Variants in MAML1 observed in about 807,000 individuals in gnomAD.
MAML1 encodes mastermind like transcriptional coactivator 1.
Under a neutral mutation model 77.1 loss-of-function variants are expected in MAML1, and 14 were observed. The ratio of observed to expected loss-of-function variants is 0.18; its 90% confidence interval spans 0.12 to 0.28. The LOEUF (loss-of-function observed/expected upper bound fraction) is 0.28, where lower values mean the gene tolerates loss of function less well. Ranked by LOEUF, MAML1 falls within the 10% of genes least tolerant of loss-of-function variation. MAML1 has a pLI of 1.00. For synonymous variants in MAML1, 516 were observed against 551.9 expected, an observed-to-expected ratio of 0.93 and a Z score of 0.91; for missense variants, 1,217 against 1,327.8, an observed-to-expected ratio of 0.92 and a Z score of 1.30.
chr5:179,766,972 A>G lies in MAML1; in HGVS notation c.1731+231A>G, dbSNP rs1345967789. Among the ~76,000 whole-genome samples, 1 of 152,160 alleles carries G rather than the reference A, an allele frequency of 6.6e-6. No individual in the cohort carries two copies. The highest frequency in any genetic ancestry group is 1.5e-5 in the Non-Finnish European group (1 of 68,046). The stretch of plus-strand genomic sequence containing the variant: ...CATAGCTTGATTATTAACTGCACGA[A>G]GGTTTCAGGAATCACCTGCATTTAG... On this transcript the variant is annotated intron_variant, in intron 2 of 4. Transcript: ENST00000292599. This position sits in a 1 kb window ranked among gnomAD's most constrained non-coding sequence, Gnocchi z 4.0.
At chr5:179,767,365 C>T (rs953179058) in intron 2 of MAML1, among the ~76,000 whole-genome samples, 3 of 151,906 alleles carry the variant, frequency 2.0e-5, no homozygotes, top group Admixed American at 6.6e-5. Context: ...AGCCCAGTGC[C>T]GGTAATATCA....
intron 1 of MAML1, among the ~76,000 whole-genome samples, chr5:179,753,654 A>ATTTTTTTTTTTTTTT (rs1209995171): frequency 2.3e-5 from 2 of 88,850 alleles, no homozygotes; most frequent in African/African-American, 7.3e-5. Context: ...TATTATTATT[A>ATTTTTTTTTTTTTTT]TTTTTTTTTT....
chr5:179,738,418 C>T (rs1442266070), intron 1 of MAML1, among the ~76,000 whole-genome samples: 1 of 152,148 alleles, frequency 6.6e-6, no homozygotes, highest in Non-Finnish European at 1.5e-5. Context: ...AGATACTGTA[C>T]TGTAATCATG....
intron 1 of MAML1, among the ~76,000 whole-genome samples, chr5:179,753,218 TGTGTGCGCGC>T (rs774993429): frequency 6.2e-5 from 4 of 64,108 alleles, no homozygotes; most frequent in East Asian, 4.2e-4. Flanking sequence ...TGTGTGTGTG[TGTGTGCGCGC>T]GCGCGCGCGC....
intron 1 of MAML1, among the ~76,000 whole-genome samples, chr5:179,759,912 G>A (rs1016602155): frequency 6.6e-6 from 1 of 152,200 alleles, no homozygotes; most frequent in Non-Finnish European, 1.5e-5. Context: ...GAAATATTAA[G>A]GAGGTAGACT....
chr5:179,753,544 G>A lies in MAML1; in HGVS notation c.316-11782G>A, dbSNP rs527599342. Among the ~76,000 whole-genome samples, 22 of 152,050 alleles carry A rather than the reference G, an allele frequency of 1.4e-4. No individual in the cohort carries two copies. In the South Asian group the frequency reaches 1.9e-3, roughly 13 times the overall value. On this transcript the variant is annotated intron_variant, in intron 1 of 4. Coordinates refer to ENST00000292599, the MANE Select transcript of MAML1 (RefSeq NM_014757.5). ...CATGCATGTTCTGGACTTACACACC[G>A]AGTGATTGATGCCTCGAAGAAAGCG...
intron 1 of MAML1, among the ~76,000 whole-genome samples, chr5:179,737,612 A>G (rs1042723696): frequency 5.3e-5 from 8 of 152,162 alleles, no homozygotes; most frequent in African/African-American, 1.9e-4. Context: ...TTCACCAGCA[A>G]CCCATTTGTA....
chr5:179,748,864 A>G (rs978317507), intron 1 of MAML1, among the ~76,000 whole-genome samples: 9 of 152,268 alleles, frequency 5.9e-5, no homozygotes, highest in African/African-American at 2.2e-4. Flanking sequence ...AATGTCTTCA[A>G]AATTCTGAAG....
rs1755997814 is a variant in MAML1 at position 179,771,906 on chromosome 5, C to T, written c.2068+663C>T. Among the ~76,000 whole-genome samples the T allele has an allele frequency of 6.6e-6, 1 of 152,062 alleles. No individual in the cohort carries two copies. Among genetic ancestry groups the T allele is most frequent in the Non-Finnish European group, 1.5e-5 (1 of 68,022 alleles). On this transcript the variant is annotated intron_variant, in intron 4 of 4. Transcript: ENST00000292599. This position sits in a 1 kb window ranked among gnomAD's most constrained non-coding sequence, Gnocchi z 4.7. ...ATTTGGGACCTTGCTATAAAGGGTC[C>T]CAGAGAGACTGACCACAGCTGTGTG...
chr5:179,744,737 A>G (rs1385131788), intron 1 of MAML1, among the ~76,000 whole-genome samples: 1 of 150,638 alleles, frequency 6.6e-6, no homozygotes. Flanking sequence ...CTGGTCTTGA[A>G]CTCCTGGCCT....
chr5:179,749,762 G>A (rs777367624), intron 1 of MAML1, among the ~76,000 whole-genome samples: 6 of 152,138 alleles, frequency 3.9e-5, no homozygotes, highest in Non-Finnish European at 8.8e-5. Context: ...CACCAGACGT[G>A]GAGGGCAACT....
In MAML1 at chr5:179,766,154, T is replaced by C; in HGVS notation, c.1144T>C (p.Leu382=). Residue 382 remains leucine (L), a synonymous_variant, in exon 2 of 5, where the codon TTG becomes CTG. Transcript: ENST00000292599. This position sits in a 1 kb window ranked among gnomAD's most constrained non-coding sequence, Gnocchi z 4.0. ...NAQRALAGVV[L]PSQGPGGASE... ...ACAAAGAGCCCTTGCAGGTGTGGTA[T>C]TGCCCAGTCAGGGCCCAGGAGGGGC... The C allele has an allele frequency of 3.2e-6, 5 of 1,581,234 alleles. No homozygotes were observed. The highest frequency in any genetic ancestry group is 4.3e-6 in the Non-Finnish European group (5 of 1,165,114).
At chr5:179,737,377 G>A (rs1161862846) in intron 1 of MAML1, among the ~76,000 whole-genome samples, 3 of 152,142 alleles carry the variant, frequency 2.0e-5, no homozygotes, top group Admixed American at 2.0e-4. Context: ...GAAAACAGTG[G>A]CTCCTTCAAT....
intron 3 of MAML1, among the ~76,000 whole-genome samples, chr5:179,770,701 G>T (rs922093026): frequency 9.2e-5 from 14 of 152,156 alleles, no homozygotes; most frequent in Admixed American, 8.5e-4. Flanking sequence ...AGATACCTGG[G>T]AGTGGAATTG....
intron 1 of MAML1, among the ~76,000 whole-genome samples, chr5:179,741,213 C>T (rs971318901): frequency 1.3e-5 from 2 of 152,206 alleles, no homozygotes; most frequent in African/African-American, 4.8e-5. Context: ...GTGGTTCTTT[C>T]AACCAACATT....
At position 179,765,614 on chromosome 5, in the gene MAML1, A is replaced by G; in HGVS notation, c.604A>G (p.Ser202Gly). 1 of 1,614,228 alleles carries G rather than the reference A, an allele frequency of 6.2e-7. No homozygotes were observed. Among genetic ancestry groups the G allele is most frequent in the Non-Finnish European group, 8.5e-7 (1 of 1,180,044 alleles). The stretch of plus-strand genomic sequence containing the variant: ...CTCCAGCCTTCACTTGAATGGAGGC[A>G]GTAACCCCAGTGAGTCATTTCCTCT... ...ADSSLHLNGG[S>G]NPSESFPLSL... Residue 202 changes from serine to glycine, a missense_variant, in exon 2 of 5, where the codon AGT (serine) becomes GGT (glycine). Physicochemically the swap from Ser to Gly is moderately conservative, Grantham distance 56. This residue lies in a region of MAML1 where 312 missense variants were observed against 331.4 expected (regional missense o/e 0.94). Coordinates refer to ENST00000292599, the MANE Select transcript of MAML1 (RefSeq NM_014757.5).
At chr5:179,751,262 C>T (rs1422590275) in intron 1 of MAML1, among the ~76,000 whole-genome samples, 3 of 152,144 alleles carry the variant, frequency 2.0e-5, no homozygotes, top group Non-Finnish European at 4.4e-5. Context: ...CGTGAGCCAC[C>T]GTGCCCAGCT....
chr5:179,745,226 AATT>A (rs540150497), intron 1 of MAML1, among the ~76,000 whole-genome samples: 3 of 152,116 alleles, frequency 2.0e-5, no homozygotes, highest in Non-Finnish European at 1.5e-5. Context: ...TTTTATAAGT[AATT>A]ATTATGTAAA....
chr5:179,766,037 G>A lies in MAML1; in HGVS notation c.1027G>A (p.Gly343Ser). ...GAGTACAGATTCCCCCAGCCTAGGGGGCTCCCAAACCTTATTCCACACCTC... is the reference window on the plus strand; with the variant it reads ...GAGTACAGATTCCCCCAGCCTAGGGAGCTCCCAAACCTTATTCCACACCTC... ...PVSTDSPSLG[G>S]SQTLFHTSGQ... The change falls in exon 2 of 5, where the codon GGC (glycine) becomes AGC (serine). Residue 343 changes from glycine to serine, a missense_variant. This residue lies in a region of MAML1 where 884 missense variants were observed against 949.3 expected (regional missense o/e 0.93). Transcript: ENST00000292599. This position sits in a 1 kb window ranked among gnomAD's most constrained non-coding sequence, Gnocchi z 4.0. 6.3e-7 allele frequency: 1 copy of A among 1,593,164 alleles called. No homozygotes were observed. Among genetic ancestry groups the A allele is most frequent in the Non-Finnish European group, 8.5e-7 (1 of 1,171,454 alleles).
Sources: gnomAD v4.1 joint callset for allele counts (sites outside exome capture counted in the v4.1 genomes callset) on GRCh38, gnomAD v4.1.1 for gene constraint, gnomAD v4.1.1 regional missense constraint, Gnocchi (gnomAD v3.1) non-coding constraint, MANE v1.5 for transcripts, NCBI Gene and HGNC (gene_info 2026-07-23, HGNC 2026-07-21) for gene names.